AGPAT3: variants seen among roughly 807,000 people sequenced by gnomAD.
AGPAT3 encodes the protein 1-acyl-sn-glycerol-3-phosphate acyltransferase gamma.
A neutral mutation model predicts 47.3 loss-of-function variants in AGPAT3; 5 were observed. The ratio of observed to expected loss-of-function variants is 0.11; its 90% CI spans 0.06 to 0.22. The LOEUF (loss-of-function observed/expected upper bound fraction) is 0.22. AGPAT3 is among the 10% of genes least tolerant of loss of function. AGPAT3 has a pLI of 1.00. For missense variants in AGPAT3, 315 were observed against 493.0 expected (o/e 0.64, Z 3.42); for synonymous variants, 212 against 208.3 (o/e 1.02, Z -0.15).
At chr21:43,866,079 G>A (rs772160028) in intron 1 of AGPAT3, among the ~76,000 whole-genome samples, 4 of 151,902 alleles carry the variant, frequency 2.6e-5, no homozygotes, top group African/African-American at 9.7e-5. Flanking sequence ...CTTAGGAAAG[G>A]AGGGTTATTA....
Position 43,981,511 on chromosome 21 carries a change from G to A in AGPAT3, c.1042+324G>A, listed in dbSNP as rs778707115. The A allele has an allele frequency of 1.4e-5, 6 of 428,916 alleles. No homozygotes were observed. Among genetic ancestry groups the A allele is most frequent in the Non-Finnish European group, 2.6e-5 (6 of 230,636 alleles). The allele number at this position is 428,916 out of a possible 1,614,324, so 26.6% of individuals were successfully genotyped here. A position where few individuals can be genotyped will look rare whatever the true frequency, so the allele number is the denominator to read the frequency against. ...CCCCCTGTCTGCTTTTGGGCTCTTA[G>A]GGGTCAGGCTGGGCTGGCCATTCGG... On this transcript the variant is annotated intron_variant, in intron 9 of 9. Coordinates refer to ENST00000291572, the MANE Select transcript of AGPAT3 (RefSeq NM_020132.5). This position sits in a 1 kb window ranked among gnomAD's most constrained non-coding sequence, Gnocchi z 5.3.
chr21:43,902,864 G>A (rs1331697963), intron 1 of AGPAT3, among the ~76,000 whole-genome samples: 2 of 152,166 alleles, frequency 1.3e-5, no homozygotes, highest in Admixed American at 1.3e-4. Context: ...TCTGGGCATG[G>A]TGGCATGCAC....
At chr21:43,917,223 C>T (rs1024387103) in intron 2 of AGPAT3, among the ~76,000 whole-genome samples, 1 of 151,646 alleles carries the variant, frequency 6.6e-6, no homozygotes, top group South Asian at 2.1e-4. Flanking sequence ...TCGTCACCTC[C>T]ATCCAGGGCA....
At chr21:43,979,708 G>A (rs2146925173) in intron 8 of AGPAT3, among the ~76,000 whole-genome samples, 1 of 152,336 alleles carries the variant, frequency 6.6e-6, no homozygotes, top group South Asian at 2.1e-4. Context: ...CAGGCTTGAA[G>A]TTTGAATTTA....
intron 3 of AGPAT3, chr21:43,966,571 G>C (rs2089139917): frequency 6.6e-6 from 1 of 152,168 alleles, no homozygotes; most frequent in Non-Finnish European, 1.5e-5. Flanking sequence ...GCCTGCATGT[G>C]CCTGCAGCAT....
At chr21:43,884,578 T>C (rs2085930255) in intron 1 of AGPAT3, among the ~76,000 whole-genome samples, 1 of 152,128 alleles carries the variant, frequency 6.6e-6, no homozygotes, top group South Asian at 2.1e-4. Flanking sequence ...GGTGCCCTGG[T>C]GCTGGATGCA....
At chr21:43,964,989 T>G in intron 3 of AGPAT3, 1 of 158,488 alleles carries the variant, frequency 6.3e-6, no homozygotes, top group African/African-American at 2.4e-5. Context: ...AGTGCAGTGG[T>G]GTGATCTTGG....
intron 1 of AGPAT3, among the ~76,000 whole-genome samples, chr21:43,895,240 G>A (rs2086189002): frequency 6.6e-6 from 1 of 151,408 alleles, no homozygotes; most frequent in Non-Finnish European, 1.5e-5. Flanking sequence ...ATGTAGCTGG[G>A]ACTACAGGTG....
chr21:43,982,476 A>C lies in AGPAT3; in HGVS notation c.*84A>C. On this transcript the variant is annotated 3_prime_UTR_variant, in exon 10 of 10. Coordinates refer to ENST00000291572, the MANE Select transcript of AGPAT3 (RefSeq NM_020132.5). The surrounding 1 kb of genome is among the most constrained non-coding windows in gnomAD (Gnocchi z 6.2). Reference sequence around the variant, plus strand: ...CAACACACAGAGTGCAGGAAAAGACAATTAGAAACTATTTTTCTTATTAAC... The same window carrying C: ...CAACACACAGAGTGCAGGAAAAGACCATTAGAAACTATTTTTCTTATTAAC... The C allele has an allele frequency of 1.0e-6, 1 of 1,003,458 alleles. No individual in the cohort carries two copies. 62.2% of individuals were successfully genotyped at this position (1,003,458 alleles called of 1,614,324 possible).
At chr21:43,897,589 G>T (rs1240540640) in intron 1 of AGPAT3, among the ~76,000 whole-genome samples, 1 of 151,646 alleles carries the variant, frequency 6.6e-6, no homozygotes, top group Admixed American at 6.6e-5. Context: ...CCCAGACGGG[G>T]CGGCCGGGCA....
chr21:43,984,852 C>G lies in AGPAT3; in HGVS notation c.*2460C>G, dbSNP rs957381677. On this transcript the variant is annotated 3_prime_UTR_variant, in exon 10 of 10. Transcript: ENST00000291572. ...AGCTTAATTCAGTTGATGTTATGTCCAAATTCAGGCTGAGTGCTCAGGCTG... is the reference window on the plus strand; with the variant it reads ...AGCTTAATTCAGTTGATGTTATGTCGAAATTCAGGCTGAGTGCTCAGGCTG... 6.2e-5 allele frequency: 19 copies of G among 306,922 alleles called. 1 individual carries two copies. Among genetic ancestry groups the G allele is most frequent in the South Asian group, 5.0e-4 (18 of 36,090 alleles). The allele number at this position is 306,922 out of a possible 1,614,324, so 19.0% of individuals were successfully genotyped here. A position where few individuals can be genotyped will look rare whatever the true frequency, so the allele number is the denominator to read the frequency against.
At chr21:43,936,063 C>T (rs1221283119) in intron 2 of AGPAT3, among the ~76,000 whole-genome samples, 1 of 152,236 alleles carries the variant, frequency 6.6e-6, no homozygotes, top group Admixed American at 6.5e-5. Context: ...GCAGCCCTGG[C>T]CCCCACACCT....
intron 1 of AGPAT3, among the ~76,000 whole-genome samples, chr21:43,870,715 C>T (rs891674794): frequency 6.6e-6 from 1 of 152,158 alleles, no homozygotes; most frequent in East Asian, 1.9e-4. Flanking sequence ...GAGCCAGACT[C>T]CATCTCAATA....
At position 43,887,350 on chromosome 21, in the gene AGPAT3, C is replaced by T. The variant is rs537997588; in HGVS notation, c.-111-16607C>T. 2.0e-3 allele frequency among the ~76,000 whole-genome samples: 305 copies of T among 152,314 alleles called. 4 individuals carry two copies. Among genetic ancestry groups the T allele is most frequent in the African/African-American group, 6.7e-3 (280 of 41,570 alleles). On this transcript the variant is annotated intron_variant, in intron 1 of 9. Coordinates refer to ENST00000291572, the MANE Select transcript of AGPAT3 (RefSeq NM_020132.5). Reference sequence around the variant, plus strand: ...GCAGCCTAGGAACCTGGATTAGAGTCCAGGTTGAAACAGCAACTATCTCAG... The same window carrying T: ...GCAGCCTAGGAACCTGGATTAGAGTTCAGGTTGAAACAGCAACTATCTCAG...
intron 2 of AGPAT3, among the ~76,000 whole-genome samples, chr21:43,929,351 T>C (rs1292609655): frequency 6.6e-6 from 1 of 152,214 alleles, no homozygotes; most frequent in Non-Finnish European, 1.5e-5. Context: ...CCATGTGGAT[T>C]GGAAGGACAC....
intron 7 of AGPAT3, 100 bp from the exon 8 acceptor site, chr21:43,977,946 C>G: frequency 1.2e-6 from 1 of 868,410 alleles, no homozygotes. Flanking sequence ...GGAGTGGGGC[C>G]CATAGGCCAC....
At position 43,949,931 on chromosome 21, in the gene AGPAT3, G is replaced by A. The variant is rs188494868; in HGVS notation, c.-48-9703G>A. 3.8e-4 allele frequency among the ~76,000 whole-genome samples: 58 copies of A among 152,280 alleles called. 2 individuals carry two copies. In the East Asian group the frequency reaches 5.6e-3, roughly 15 times the overall value. On this transcript the variant is annotated intron_variant, in intron 2 of 9. Coordinates refer to ENST00000291572, the MANE Select transcript of AGPAT3 (RefSeq NM_020132.5). ...ATCCTCCCAAGCTGTAAGCACTTGC[G>A]CTGGGCTGCAAACTTGCATCCTACT...
At chr21:43,911,458 C>G (rs1676016530) in intron 2 of AGPAT3, among the ~76,000 whole-genome samples, 1 of 152,250 alleles carries the variant, frequency 6.6e-6, no homozygotes, top group African/African-American at 2.4e-5. Flanking sequence ...CGAGGCCTGT[C>G]TGGGAAGATT....
chr21:43,985,085 C>A lies in AGPAT3; in HGVS notation c.*2693C>A, dbSNP rs1011604083. 4 of 455,970 alleles carry A rather than the reference C, an allele frequency of 8.8e-6. No homozygotes were observed. The highest frequency in any genetic ancestry group is 8.0e-5 in the African/African-American group (4 of 50,090). The allele number at this position is 455,970 out of a possible 1,614,324, so 28.2% of individuals were successfully genotyped here. A position where few individuals can be genotyped will look rare whatever the true frequency, so the allele number is the denominator to read the frequency against. ...GGGAGGGCCCAGGCCCACCCACGGG[C>A]GTCTGGCCGGTCAAGCTCCCAGCCT... On this transcript the variant is annotated 3_prime_UTR_variant, in exon 10 of 10. Coordinates refer to ENST00000291572, the MANE Select transcript of AGPAT3 (RefSeq NM_020132.5).
Sources: allele counts gnomAD v4.1 joint callset (sites outside exome capture counted in the v4.1 genomes callset), GRCh38; gene constraint gnomAD v4.1.1; non-coding constraint Gnocchi (gnomAD v3.1); transcripts MANE v1.5; gene names NCBI Gene and HGNC (gene_info 2026-07-23, HGNC 2026-07-21).